Variants in DGKI observed in about 807,000 individuals in gnomAD.
DGKI encodes DAG kinase iota.
A neutral mutation model predicts 147.5 loss-of-function variants in DGKI; 55 were observed. The ratio of observed to expected loss-of-function variants is 0.37; its 90% confidence interval spans 0.30 to 0.47. DGKI has a LOEUF of 0.47. Ranked by LOEUF, DGKI falls within the 20% of genes least tolerant of loss-of-function variation. The pLI is 1.00. For synonymous variants in DGKI, 469 were observed against 477.1 expected (o/e 0.98, Z 0.22); for missense variants, 1,007 against 1,323.8 (o/e 0.76, Z 3.71).
chr7:137,564,977 C>T (rs1818535798), intron 19 of DGKI, among the ~76,000 whole-genome samples: 1 of 152,178 alleles, frequency 6.6e-6, no homozygotes, highest in South Asian at 2.1e-4. Flanking sequence ...ACTCTATATG[C>T]CGCTCTTGGG....
intron 8 of DGKI, among the ~76,000 whole-genome samples, chr7:137,617,300 A>G (rs894533280): frequency 3.9e-5 from 6 of 152,096 alleles, no homozygotes; most frequent in African/African-American, 1.4e-4. Context: ...CAATTTCATC[A>G]ACGGGTAAGT....
intron 1 of DGKI, among the ~76,000 whole-genome samples, chr7:137,796,612 A>T (rs762676842): frequency 6.6e-6 from 1 of 152,210 alleles, no homozygotes; most frequent in African/African-American, 2.4e-5. Flanking sequence ...ACAGAAATAG[A>T]AATCATTTAA....
chr7:137,728,879 T>C (rs1488752307), intron 1 of DGKI, among the ~76,000 whole-genome samples: 1 of 152,170 alleles, frequency 6.6e-6, no homozygotes, highest in Non-Finnish European at 1.5e-5. Context: ...ATGATTGATT[T>C]TGAGCTCTAA....
intron 21 of DGKI, among the ~76,000 whole-genome samples, chr7:137,511,477 T>C (rs1023445381): frequency 6.6e-6 from 1 of 152,226 alleles, no homozygotes; most frequent in Non-Finnish European, 1.5e-5. Flanking sequence ...AATAATCAAC[T>C]TGTACTCCAA....
At chr7:137,681,218 C>G (rs1325199698) in intron 2 of DGKI, among the ~76,000 whole-genome samples, 1 of 152,172 alleles carries the variant, frequency 6.6e-6, no homozygotes, top group Admixed American at 6.5e-5. Flanking sequence ...CACCTGTTCA[C>G]CAAAACTTTT....
intron 21 of DGKI, among the ~76,000 whole-genome samples, chr7:137,508,106 A>T (rs1223010612): frequency 1.3e-5 from 2 of 152,194 alleles, no homozygotes; most frequent in Non-Finnish European, 2.9e-5. Flanking sequence ...CTTTATTCTC[A>T]AAAGGATGGG....
intron 1 of DGKI, among the ~76,000 whole-genome samples, chr7:137,742,733 A>G (rs1306860311): frequency 8.1e-6 from 1 of 123,726 alleles, no homozygotes; most frequent in Non-Finnish European, 1.6e-5. Flanking sequence ...GGGAAAAAAA[A>G]TAAAGTCAGA....
chr7:137,833,078 G>C (rs951380842), intron 1 of DGKI, among the ~76,000 whole-genome samples: 1 of 152,158 alleles, frequency 6.6e-6, no homozygotes, highest in Non-Finnish European at 1.5e-5. Flanking sequence ...CAAGTCTCTA[G>C]GAAGTTCCAA....
intron 1 of DGKI, among the ~76,000 whole-genome samples, chr7:137,824,760 C>T (rs774014452): frequency 2.6e-5 from 4 of 152,108 alleles, no homozygotes; most frequent in Non-Finnish European, 2.9e-5. Flanking sequence ...CTCTGTATGT[C>T]CATGTGTTTT....
intron 27 of DGKI, among the ~76,000 whole-genome samples, chr7:137,460,013 T>G (rs1036854959): frequency 6.6e-6 from 1 of 152,216 alleles, no homozygotes; most frequent in African/African-American, 2.4e-5. Context: ...TGATAAGTAG[T>G]ATTTTCAGTT....
chr7:137,805,127 A>G (rs1797326407), intron 1 of DGKI, among the ~76,000 whole-genome samples: 1 of 152,174 alleles, frequency 6.6e-6, no homozygotes, highest in Admixed American at 6.5e-5. Flanking sequence ...GATGTTTTTA[A>G]AAGATAATTT....
chr7:137,456,140 G>A (rs1027182407), intron 27 of DGKI, among the ~76,000 whole-genome samples: 4 of 151,970 alleles, frequency 2.6e-5, no homozygotes, highest in South Asian at 2.1e-4. Context: ...TTCCTATACC[G>A]ACCATACTTA....
intron 1 of DGKI, among the ~76,000 whole-genome samples, chr7:137,707,554 G>A (rs1232963516): frequency 6.6e-6 from 1 of 152,200 alleles, no homozygotes; most frequent in Non-Finnish European, 1.5e-5. Context: ...CCCTCTTGGA[G>A]CTGTCATCAT....
chr7:137,834,996 C>T (rs117702983), intron 1 of DGKI, among the ~76,000 whole-genome samples: 36 of 152,302 alleles, frequency 2.4e-4, no homozygotes, highest in Non-Finnish European at 4.6e-4. Flanking sequence ...AAACTGAGCT[C>T]CATGAATTAT....
At position 137,487,621 on chromosome 7, in the gene DGKI, G is replaced by C; in HGVS notation, c.2317C>G (p.Arg773Gly). The C allele has an allele frequency of 6.2e-7, 1 of 1,613,580 alleles. No individual in the cohort carries two copies. Among genetic ancestry groups the C allele is most frequent in the South Asian group, 1.1e-5 (1 of 91,052 alleles). Residue 773 changes from arginine (R) to glycine (G), a missense_variant, in exon 22 of 33, where the codon CGC (arginine) becomes GGC (glycine). Physicochemically the swap from Arg to Gly is moderately radical, Grantham distance 125. Around this residue, in one of 5 missense-constraint regions of DGKI, gnomAD observed 385 missense variants for 445.2 expected, o/e 0.86. Coordinates refer to ENST00000614521, the MANE Select transcript of DGKI (RefSeq NM_001321708.2). ...DLETCRMYID[R>G]LQEDLQSVSS... ...CTAAATAAACTCACCTCCTGTAGGC[G>C]GTCTATGTACATACGGCAAGTCTCC...
At chr7:137,782,625 C>T (rs183879861) in intron 1 of DGKI, among the ~76,000 whole-genome samples, 1 of 152,174 alleles carries the variant, frequency 6.6e-6, no homozygotes, top group Non-Finnish European at 1.5e-5. Context: ...TTGCATCCTC[C>T]CTATAGGACC....
intron 1 of DGKI, among the ~76,000 whole-genome samples, chr7:137,798,823 A>C (rs1010596456): frequency 6.6e-6 from 1 of 152,242 alleles, no homozygotes; most frequent in African/African-American, 2.4e-5. Flanking sequence ...ATTTTACCCT[A>C]GGAGTGCAAG....
intron 6 of DGKI, among the ~76,000 whole-genome samples, chr7:137,641,948 G>T (rs1304396563): frequency 2.0e-5 from 3 of 152,134 alleles, no homozygotes; most frequent in African/African-American, 7.2e-5. Flanking sequence ...TATATTTTTT[G>T]AATATAGATT....
At position 137,826,264 on chromosome 7, in the gene DGKI, G is replaced by A. The variant is rs547021950; in HGVS notation, c.401+20198C>T. Among the ~76,000 whole-genome samples, 389 of 152,260 alleles carry A rather than the reference G, an allele frequency of 2.6e-3. 4 individuals carry two copies. The highest frequency in any genetic ancestry group is 8.7e-3 in the African/African-American group (360 of 41,534). On this transcript the variant is annotated intron_variant, in intron 1 of 32. Coordinates refer to ENST00000614521, the MANE Select transcript of DGKI (RefSeq NM_001321708.2). ...AGGTGATTTCTCCAAAATGCAGAGC[G>A]TGAGCCAGCTCTCAGGCATTGCAAT...
Sources: allele counts gnomAD v4.1 joint callset (sites outside exome capture counted in the v4.1 genomes callset), GRCh38; gene constraint gnomAD v4.1.1; regional missense constraint gnomAD v4.1.1; transcripts MANE v1.5; gene names NCBI Gene and HGNC (gene_info 2026-07-23, HGNC 2026-07-21).